Variants in COP1 observed in about 807,000 individuals in gnomAD.
The protein encoded by COP1 is E3 ubiquitin-protein ligase COP1.
Under a neutral mutation model 101.3 loss-of-function variants are expected in COP1, and 24 were observed. The observed-to-expected ratio is 0.24, with a 90% CI of 0.17 to 0.33. COP1 has a LOEUF of 0.33. Among genes scored for constraint, COP1 ranks in the 10% least tolerant of loss-of-function variants. COP1 has a pLI of 1.00. For synonymous variants in COP1, 347 were observed against 341.9 expected, an observed-to-expected ratio of 1.01 and a Z score of -0.17; for missense variants, 663 against 906.2, an observed-to-expected ratio of 0.73 and a Z score of 3.45.
chr1:175,982,096 T>C (rs1656007374), intron 18 of COP1, among the ~76,000 whole-genome samples: 1 of 152,086 alleles, frequency 6.6e-6, no homozygotes, highest in South Asian at 2.1e-4. Flanking sequence ...AGTACAGCTT[T>C]TATGGAAAAT....
intron 6 of COP1, among the ~76,000 whole-genome samples, chr1:176,138,541 T>C (rs1572467261): frequency 6.6e-6 from 1 of 152,152 alleles, no homozygotes; most frequent in South Asian, 2.1e-4. Context: ...ACACTGTCTG[T>C]CCTGAAACTC....
chr1:176,205,755 C>T (rs1434201451), intron 1 of COP1, among the ~76,000 whole-genome samples: 5 of 152,206 alleles, frequency 3.3e-5, no homozygotes, highest in Admixed American at 6.5e-5. Context: ...CTAAATGTTA[C>T]TCTGTATCAT....
chr1:175,951,992 C>A (rs150248293), intron 18 of COP1, among the ~76,000 whole-genome samples: 39 of 152,308 alleles, frequency 2.6e-4, no homozygotes, highest in African/African-American at 9.1e-4. Flanking sequence ...ACCACAGTTA[C>A]ACTGCTGAAG....
At chr1:176,014,213 C>A (rs144476689) in intron 15 of COP1, among the ~76,000 whole-genome samples, 1 of 152,230 alleles carries the variant, frequency 6.6e-6, no homozygotes, top group East Asian at 1.9e-4. Context: ...TGGGAAGCTG[C>A]GCTTACATTT....
intron 11 of COP1, among the ~76,000 whole-genome samples, chr1:176,073,480 A>G (rs1161710613): frequency 1.3e-5 from 2 of 152,252 alleles, no homozygotes; most frequent in Non-Finnish European, 2.9e-5. Context: ...TAAGTATATT[A>G]AGTTTAAACT....
chr1:175,962,684 A>G (rs1651519220), intron 18 of COP1, among the ~76,000 whole-genome samples: 1 of 152,172 alleles, frequency 6.6e-6, no homozygotes, highest in Non-Finnish European at 1.5e-5. Context: ...AGACCTAGCC[A>G]GAGAACCTAA....
chr1:176,206,078 G>C (rs1700817294), intron 1 of COP1, among the ~76,000 whole-genome samples: 1 of 152,182 alleles, frequency 6.6e-6, no homozygotes, highest in Non-Finnish European at 1.5e-5. Flanking sequence ...CCATGCTTAT[G>C]TTTACAGCAT....
chr1:176,137,984 A>G (rs1254424933), intron 6 of COP1, among the ~76,000 whole-genome samples: 1 of 152,158 alleles, frequency 6.6e-6, no homozygotes, highest in Admixed American at 6.6e-5. Context: ...AAGCATTATG[A>G]TGATGGTATA....
intron 9 of COP1, among the ~76,000 whole-genome samples, chr1:176,102,878 A>G (rs935338381): frequency 6.6e-6 from 1 of 152,122 alleles, no homozygotes; most frequent in African/African-American, 2.4e-5. Context: ...GACTCAGTGC[A>G]AGAGGACAGC....
chr1:175,960,898 A>G (rs1651256579), intron 18 of COP1, among the ~76,000 whole-genome samples: 1 of 152,156 alleles, frequency 6.6e-6, no homozygotes, highest in South Asian at 2.1e-4. Flanking sequence ...TCCAGAAGAG[A>G]CTGGTGTGTG....
At chr1:176,084,682 C>G (rs1679796074) in intron 10 of COP1, among the ~76,000 whole-genome samples, 1 of 151,720 alleles carries the variant, frequency 6.6e-6, no homozygotes, top group South Asian at 2.1e-4. Context: ...CTCCCTTGGT[C>G]TTCAGAGGAA....
chr1:176,127,406 T>C (rs962025901), intron 8 of COP1, among the ~76,000 whole-genome samples: 12 of 152,062 alleles, frequency 7.9e-5, no homozygotes, highest in African/African-American at 2.9e-4. Context: ...CTTGTATGAG[T>C]TCAACTTTTT....
chr1:176,155,716 G>C (rs1489806535), intron 5 of COP1, among the ~76,000 whole-genome samples: 1 of 152,024 alleles, frequency 6.6e-6, no homozygotes, highest in Non-Finnish European at 1.5e-5. Context: ...GAATAACATA[G>C]TCAAATTGCT....
intron 14 of COP1, among the ~76,000 whole-genome samples, chr1:176,042,777 C>A (rs1670850819): frequency 7.0e-6 from 1 of 142,962 alleles, no homozygotes; most frequent in South Asian, 2.2e-4. Flanking sequence ...GTAATCCCAG[C>A]ACTTTGAGAG....
chr1:175,967,469 C>T (rs1016409417), intron 18 of COP1, among the ~76,000 whole-genome samples: 5 of 151,726 alleles, frequency 3.3e-5, no homozygotes, highest in African/African-American at 1.2e-4. Context: ...CTGGGTGACA[C>T]AGTGAGACTC....
At chr1:176,145,191 C>A (rs1476434854) in intron 6 of COP1, among the ~76,000 whole-genome samples, 2 of 151,934 alleles carry the variant, frequency 1.3e-5, no homozygotes, top group Admixed American at 6.6e-5. Context: ...AAGTTTTAAA[C>A]AATTACTTCA....
intron 18 of COP1, among the ~76,000 whole-genome samples, chr1:175,971,065 A>G (rs1004485008): frequency 6.6e-6 from 1 of 152,258 alleles, no homozygotes; most frequent in Non-Finnish European, 1.5e-5. Flanking sequence ...AGACATTTCA[A>G]AGAAAGCATT....
intron 18 of COP1, among the ~76,000 whole-genome samples, chr1:175,973,458 A>C (rs1653767207): frequency 6.6e-6 from 1 of 152,200 alleles, no homozygotes; most frequent in Non-Finnish European, 1.5e-5. Flanking sequence ...AATTCAGAAA[A>C]TGTTGAATTT....
intron 9 of COP1, among the ~76,000 whole-genome samples, chr1:176,089,465 A>AT (rs1317882750): frequency 2.0e-5 from 3 of 152,232 alleles, no homozygotes; most frequent in African/African-American, 7.2e-5. Flanking sequence ...TATAAATCCT[A>AT]TAAAAAACAA....
Sources: gnomAD v4.1 joint callset for allele counts (sites outside exome capture counted in the v4.1 genomes callset) on GRCh38, gnomAD v4.1.1 for gene constraint, MANE v1.5 for transcripts, NCBI Gene and HGNC (gene_info 2026-07-23, HGNC 2026-07-21) for gene names.